MED12L: variants seen among roughly 807,000 people sequenced by gnomAD.
MED12L encodes the protein mediator complex subunit 12L, also known as mediator of RNA polymerase II transcription subunit 12-like protein.
MED12L carries 60 observed loss-of-function variants against 281.3 expected under a neutral mutation model. That is an observed-to-expected ratio of 0.21 (90% CI 0.17 to 0.26). The LOEUF is 0.26. MED12L is among the 10% of genes least tolerant of loss of function. The probability of loss-of-function intolerance (pLI) is 1.00; values close to 1 mark genes in which losing one functional copy is unlikely to be tolerated. For missense variants in MED12L, 2,146 were observed against 2,680.9 expected, an observed-to-expected ratio of 0.80 and a Z score of 4.41; for synonymous variants, 974 against 987.2, an observed-to-expected ratio of 0.99 and a Z score of 0.25.
chr3:151,126,991 C>T (rs1714635669), intron 4 of MED12L, among the ~76,000 whole-genome samples: 1 of 152,126 alleles, frequency 6.6e-6, no homozygotes, highest in South Asian at 2.1e-4. Context: ...TCATTGCTCT[C>T]ATCCTGCTGC....
intron 16 of MED12L, among the ~76,000 whole-genome samples, chr3:151,245,090 A>G (rs964990691): frequency 1.3e-5 from 2 of 152,250 alleles, no homozygotes; most frequent in Non-Finnish European, 2.9e-5. Flanking sequence ...ATCTCTGAAT[A>G]GACCAATAAC....
intron 3 of MED12L, among the ~76,000 whole-genome samples, chr3:151,116,676 T>G (rs1005269536): frequency 1.3e-4 from 20 of 152,196 alleles, no homozygotes; most frequent in Non-Finnish European, 5.9e-5. Flanking sequence ...CTCCTCCCCA[T>G]TCCTGCCTTT....
At chr3:151,278,839 G>C (rs1742333188) in intron 16 of MED12L, among the ~76,000 whole-genome samples, 1 of 152,130 alleles carries the variant, frequency 6.6e-6, no homozygotes, top group African/African-American at 2.4e-5. Flanking sequence ...GAAGTATTTT[G>C]ACACCAATGT....
At chr3:151,409,180 CCAGA>C (rs1716681045) in intron 39 of MED12L, 59 bp from the exon 40 acceptor site, 1 of 1,295,890 alleles carries the variant, frequency 7.7e-7, no homozygotes, top group Non-Finnish European at 1.1e-6. Context: ...GGATTATTAA[CCAGA>C]AGCTCAAATC....
At chr3:151,120,567 A>G (rs1418437376) in intron 3 of MED12L, among the ~76,000 whole-genome samples, 1 of 152,236 alleles carries the variant, frequency 6.6e-6, no homozygotes, top group Non-Finnish European at 1.5e-5. Flanking sequence ...TTCTGTATAC[A>G]GATAAGGAAG....
chr3:151,360,359 A>T, intron 20 of MED12L, 115 bp from the exon 21 acceptor site: 2 of 903,750 alleles, frequency 2.2e-6, no homozygotes, highest in Admixed American at 5.0e-5. Context: ...TAGTTTCAAC[A>T]ATCCAATATC....
At chr3:151,266,207 T>A (rs764639433) in intron 16 of MED12L, among the ~76,000 whole-genome samples, 2 of 152,354 alleles carry the variant, frequency 1.3e-5, no homozygotes, top group South Asian at 4.1e-4. Flanking sequence ...TCATCTGATT[T>A]CTGTTAAATA....
chr3:151,165,513 A>G lies in MED12L; in HGVS notation c.1351A>G (p.Thr451Ala). ...RWSFDKCQESTAGVTISRVLH... is the reference protein window; with the variant it reads ...RWSFDKCQESAAGVTISRVLH... ...GTCATTTGACAAGTGCCAAGAATCC[A>G]CAGCAGGTACAGAATGCCACAGAGG... is the stretch of plus-strand genomic sequence containing the variant. The change falls in exon 10 of 45, where the codon ACA (threonine) becomes GCA (alanine). Residue 451 changes from threonine (T) to alanine (A), a missense_variant. Transcript: ENST00000687756. The G allele has an allele frequency of 6.2e-7, 1 of 1,611,414 alleles. No homozygotes were observed. Among genetic ancestry groups the G allele is most frequent in the Non-Finnish European group, 8.5e-7 (1 of 1,177,562 alleles).
intron 39 of MED12L, among the ~76,000 whole-genome samples, chr3:151,405,023 T>C (rs1487141432): frequency 6.6e-6 from 1 of 152,240 alleles, no homozygotes; most frequent in Non-Finnish European, 1.5e-5. Context: ...TTTCAAATTA[T>C]GCCAAAAGCC....
Position 151,158,648 on chromosome 3 carries a change from T to C in MED12L, c.727-41T>C, listed in dbSNP as rs896651533. The C allele has an allele frequency of 2.9e-6, 4 of 1,390,156 alleles. No individual in the cohort carries two copies. The African/African-American group carries it at 5.8e-5, about 20-fold the overall frequency. The allele number at this position is 1,390,156 out of a possible 1,614,324, so 86.1% of individuals were successfully genotyped here. A position where few individuals can be genotyped will look rare whatever the true frequency, so the allele number is the denominator to read the frequency against. On this transcript the variant is annotated intron_variant, in intron 6 of 44. Transcript: ENST00000687756. ...ATGACAGTGCCTTTTTTGTTTTTTT[T>C]CTTTAACATTATTAATGTAATTTTT...
chr3:151,114,334 G>A (rs1474735162), intron 2 of MED12L, among the ~76,000 whole-genome samples: 3 of 152,074 alleles, frequency 2.0e-5, no homozygotes, highest in Admixed American at 6.5e-5. Context: ...TTGAAAACCC[G>A]CCAAAACAGT....
rs758151303 is a variant in MED12L at position 151,167,738 on chromosome 3, A to G, written c.1494+1756A>G. On this transcript the variant is annotated intron_variant, in intron 11 of 44. Transcript: ENST00000687756. ...GATATAATCCTCTGCTTACTGAGGC[A>G]AGTTAGAGTGCTACGTGCTCTTTTT... 4.2e-4 allele frequency among the ~76,000 whole-genome samples: 64 copies of G among 152,190 alleles called. 1 individual carries two copies. The highest frequency in any genetic ancestry group is 8.3e-4 in the South Asian group (4 of 4,830).
chr3:151,120,476 T>C (rs1196475398), intron 3 of MED12L, among the ~76,000 whole-genome samples: 1 of 152,240 alleles, frequency 6.6e-6, no homozygotes, highest in African/African-American at 2.4e-5. Context: ...CAAAAAATGC[T>C]GTAAATGTCC....
At chr3:151,368,055 A>C in intron 24 of MED12L, 95 bp from the exon 25 acceptor site, 1 of 617,812 alleles carries the variant, frequency 1.6e-6, no homozygotes, top group Non-Finnish European at 2.4e-6. Context: ...AATTTATTTA[A>C]ATAATTATTC....
At chr3:151,141,475 C>T (rs1717020305) in intron 5 of MED12L, among the ~76,000 whole-genome samples, 1 of 152,088 alleles carries the variant, frequency 6.6e-6, no homozygotes, top group Non-Finnish European at 1.5e-5. Context: ...TGCTGTTTGT[C>T]TGTAAGGGGA....
intron 16 of MED12L, among the ~76,000 whole-genome samples, chr3:151,270,304 A>G (rs576628437): frequency 6.7e-6 from 1 of 149,364 alleles, no homozygotes; most frequent in South Asian, 2.1e-4. Context: ...ACAGCTCTCA[A>G]CTTATTTGGG....
At chr3:151,414,117 G>A (rs1214190004) in intron 42 of MED12L, among the ~76,000 whole-genome samples, 3 of 152,178 alleles carry the variant, frequency 2.0e-5, no homozygotes, top group African/African-American at 7.2e-5. Flanking sequence ...CTCCCAAAGT[G>A]CTGGGATTAC....
chr3:151,190,389 C>T (rs912681124), intron 13 of MED12L, among the ~76,000 whole-genome samples: 1 of 152,098 alleles, frequency 6.6e-6, no homozygotes, highest in African/African-American at 2.4e-5. Flanking sequence ...CCAGGCTGGT[C>T]TCGAACTCCT....
chr3:151,364,120 T>C (rs1754986169), intron 21 of MED12L, among the ~76,000 whole-genome samples: 2 of 152,184 alleles, frequency 1.3e-5, no homozygotes, highest in Non-Finnish European at 2.9e-5. Context: ...GAGTGAATGT[T>C]GTTTATGGAT....
Sources: gnomAD v4.1 joint callset for allele counts (sites outside exome capture counted in the v4.1 genomes callset) on GRCh38, gnomAD v4.1.1 for gene constraint, MANE v1.5 for transcripts, NCBI Gene and HGNC (gene_info 2026-07-23, HGNC 2026-07-21) for gene names.